Variants in GIGYF2 observed in about 807,000 individuals in gnomAD.
GIGYF2 encodes GRB10 interacting GYF protein 2.
GIGYF2 carries 25 observed loss-of-function variants against 208.1 expected under a neutral mutation model. The observed-to-expected ratio is 0.12, with a 90% CI of 0.09 to 0.17. The LOEUF is 0.17. Among genes scored for constraint, GIGYF2 ranks in the 10% least tolerant of loss-of-function variants. GIGYF2 has a pLI of 1.00. For synonymous variants in GIGYF2, 534 were observed against 543.8 expected (o/e 0.98, Z 0.25); for missense variants, 1,302 against 1,579.4 (o/e 0.82, Z 2.98).
chr2:232,717,957 A>G (rs182784346), intron 2 of GIGYF2, among the ~76,000 whole-genome samples: 26 of 152,248 alleles, frequency 1.7e-4, no homozygotes, highest in Admixed American at 1.2e-3. Context: ...TACCCAAACC[A>G]TAGTACTCTT....
intron 2 of GIGYF2, among the ~76,000 whole-genome samples, chr2:232,711,570 G>A (rs1339774576): frequency 6.6e-6 from 1 of 151,062 alleles, no homozygotes; most frequent in African/African-American, 2.4e-5. Flanking sequence ...AATTGGCATT[G>A]TTTTACCTTT....
At chr2:232,852,701 G>C (rs1045221578) in intron 28 of GIGYF2, among the ~76,000 whole-genome samples, 2 of 152,134 alleles carry the variant, frequency 1.3e-5, no homozygotes, top group African/African-American at 4.8e-5. Flanking sequence ...AGGATGGATG[G>C]AGCAGCCTGA....
intron 22 of GIGYF2, 152 bp from the exon 23 acceptor site, chr2:232,839,697 A>G: frequency 1.3e-6 from 1 of 773,776 alleles, no homozygotes; most frequent in East Asian, 2.5e-5. Context: ...AGAGGATAGT[A>G]AGTAAAAGCA....
intron 2 of GIGYF2, among the ~76,000 whole-genome samples, chr2:232,704,078 G>A (rs1695975103): frequency 6.6e-6 from 1 of 152,122 alleles, no homozygotes; most frequent in Non-Finnish European, 1.5e-5. Context: ...GGTTGAACTT[G>A]GTTCGGTTCT....
At chr2:232,797,805 AC>A (rs1700270265) in intron 14 of GIGYF2, among the ~76,000 whole-genome samples, 2 of 151,892 alleles carry the variant, frequency 1.3e-5, no homozygotes, top group African/African-American at 4.8e-5. Context: ...ACATGGTGAA[AC>A]CCCATCTCTA....
intron 21 of GIGYF2, among the ~76,000 whole-genome samples, chr2:232,824,612 A>G (rs1284127410): frequency 6.6e-6 from 1 of 152,244 alleles, no homozygotes; most frequent in Non-Finnish European, 1.5e-5. Context: ...GTTTAAGGAA[A>G]GAAGCCATTT....
At chr2:232,734,084 T>G (rs553542958) in intron 2 of GIGYF2, among the ~76,000 whole-genome samples, 1 of 150,918 alleles carries the variant, frequency 6.6e-6, no homozygotes, top group South Asian at 2.1e-4. Flanking sequence ...TTAAAAAATT[T>G]ATATTTTATT....
intron 8 of GIGYF2, chr2:232,766,642 A>G (rs1330871313): frequency 6.6e-6 from 1 of 152,338 alleles, no homozygotes; most frequent in East Asian, 1.9e-4. Context: ...GTTCACAATA[A>G]TTAAGTTTCT....
At chr2:232,809,562 A>T (rs1329955570) in intron 15 of GIGYF2, among the ~76,000 whole-genome samples, 158 bp from the exon 16 acceptor site, 1 of 152,160 alleles carries the variant, frequency 6.6e-6, no homozygotes, top group Admixed American at 6.5e-5. Context: ...TTAGTTTTTA[A>T]AGATGTCTGA....
intron 6 of GIGYF2, among the ~76,000 whole-genome samples, chr2:232,759,114 A>T (rs1218613467): frequency 6.6e-6 from 1 of 152,158 alleles, no homozygotes; most frequent in Non-Finnish European, 1.5e-5. Context: ...CATTATTTTG[A>T]TACTTCATAA....
intron 26 of GIGYF2, among the ~76,000 whole-genome samples, 175 bp from the exon 27 acceptor site, chr2:232,847,173 T>C (rs558081678): frequency 6.6e-6 from 1 of 152,360 alleles, no homozygotes; most frequent in Admixed American, 6.5e-5. Flanking sequence ...AGTGTTTTTT[T>C]CATTTCTATA....
intron 3 of GIGYF2, among the ~76,000 whole-genome samples, chr2:232,744,385 T>G (rs1393163441): frequency 6.6e-6 from 1 of 152,152 alleles, no homozygotes; most frequent in Non-Finnish European, 1.5e-5. Flanking sequence ...TGTACTCCAG[T>G]GGTAGAAACT....
intron 5 of GIGYF2, among the ~76,000 whole-genome samples, chr2:232,753,814 A>C (rs116215001): frequency 3.2e-4 from 49 of 152,250 alleles, no homozygotes; most frequent in Middle Eastern, 3.4e-3. Flanking sequence ...CCATGTCTCT[A>C]TATATTAGGT....
intron 14 of GIGYF2, among the ~76,000 whole-genome samples, chr2:232,797,826 C>A (rs563491802): frequency 6.6e-6 from 1 of 151,812 alleles, no homozygotes; most frequent in African/African-American, 2.4e-5. Context: ...ACTAAAAATA[C>A]GAAAATTAGC....
At chr2:232,807,491 G>A (rs1173531911) in intron 15 of GIGYF2, among the ~76,000 whole-genome samples, 1 of 152,164 alleles carries the variant, frequency 6.6e-6, no homozygotes, top group African/African-American at 2.4e-5. Flanking sequence ...CCGCTGCACT[G>A]CAGCTTGGGC....
At chr2:232,709,921 T>C (rs1375079873) in intron 2 of GIGYF2, among the ~76,000 whole-genome samples, 2 of 151,956 alleles carry the variant, frequency 1.3e-5, no homozygotes, top group Non-Finnish European at 2.9e-5. Flanking sequence ...TCTGAGCCAC[T>C]GTGCCTGGGC....
rs555362352 is a variant in GIGYF2 at position 232,840,011 on chromosome 2, T to C, written c.2889+40T>C. ...TAAAAGGGATCTAGTCAAGCGATGT[T>C]CCAGAATATCTAGCATGCATTATGG... On this transcript the variant is annotated intron_variant, in intron 23 of 28. Transcript: ENST00000373563. 3 of 1,597,192 alleles carry C rather than the reference T, an allele frequency of 1.9e-6. No homozygotes were observed. In the African/African-American group the frequency reaches 4.0e-5, roughly 21 times the overall value.
intron 2 of GIGYF2, chr2:232,729,727 T>C (rs1697364262): frequency 1.3e-6 from 1 of 757,342 alleles, no homozygotes; most frequent in South Asian, 1.4e-5. Flanking sequence ...TGCACTCCTC[T>C]AATTTTGCCA....
At chr2:232,821,322 C>T (rs1482403680) in intron 21 of GIGYF2, among the ~76,000 whole-genome samples, 1 of 152,204 alleles carries the variant, frequency 6.6e-6, no homozygotes, top group Non-Finnish European at 1.5e-5. Context: ...GCCTCAGCCT[C>T]CCGAGTAGCT....
Sources: gnomAD v4.1 joint callset for allele counts (sites outside exome capture counted in the v4.1 genomes callset) on GRCh38, gnomAD v4.1.1 for gene constraint, MANE v1.5 for transcripts, NCBI Gene and HGNC (gene_info 2026-07-23, HGNC 2026-07-21) for gene names.